The following POLR3B variants were observed in gnomAD, a reference collection of about 807,000 sequenced individuals.
The protein encoded by POLR3B is DNA-directed RNA polymerase III subunit RPC2.
A neutral mutation model predicts 147.4 loss-of-function variants in POLR3B; 96 were observed. That is an observed-to-expected ratio of 0.65 (90% CI 0.55 to 0.77). The LOEUF (loss-of-function observed/expected upper bound fraction) is 0.77. POLR3B is among the 30% of genes least tolerant of loss of function. The pLI is 0.00. For synonymous variants in POLR3B, 461 were observed against 485.9 expected (o/e 0.95, Z 0.67); for missense variants, 1,036 against 1,413.5 (o/e 0.73, Z 4.28).
At chr12:106,480,139 C>A (rs1313339883) in intron 23 of POLR3B, among the ~76,000 whole-genome samples, 1 of 151,496 alleles carries the variant, frequency 6.6e-6, no homozygotes, top group Non-Finnish European at 1.5e-5. Context: ...CTTGGGATTA[C>A]AGGTGTGAGA....
In POLR3B at chr12:106,499,733, A is replaced by G. The variant is rs542298242; in HGVS notation, c.2985-1590A>G. Among the ~76,000 whole-genome samples the G allele has an allele frequency of 1.1e-4, 17 of 152,322 alleles. 1 individual carries two copies. The South Asian group carries it at 3.5e-3, about 32-fold the overall frequency. ...AGAGAGGTCATGTAATTACTTTACT[A>G]TGTGACAAAACCAAGACAAGGACAG... is the stretch of plus-strand genomic sequence containing the variant. On this transcript the variant is annotated intron_variant, in intron 25 of 27. Transcript: ENST00000228347.
In POLR3B at chr12:106,501,358, T is replaced by A; in HGVS notation, c.3020T>A (p.Val1007Glu). The change falls in exon 26 of 28, where the codon GTG (valine) becomes GAG (glutamate). Residue 1007 changes from valine (V) to glutamate (E), a missense_variant. Physicochemically the swap from Val to Glu is moderately radical, Grantham distance 121 (BLOSUM62 -2). Transcript: ENST00000228347. ...GAAGCATACATCTATTTTGGCCCCG[T>A]GTACTATCAGAAGCTGAAACACATG... The part of the protein sequence containing the change: ...PLEAYIYFGP[V>E]YYQKLKHMVL... 1 of 1,613,714 alleles carries A rather than the reference T, an allele frequency of 6.2e-7. No homozygotes were observed. Among genetic ancestry groups the A allele is most frequent in the Non-Finnish European group, 8.5e-7 (1 of 1,179,594 alleles).
chr12:106,364,326 A>G (rs530107697), intron 2 of POLR3B, among the ~76,000 whole-genome samples: 38 of 152,314 alleles, frequency 2.5e-4, no homozygotes, highest in Non-Finnish European at 4.7e-4. Context: ...AGTCAAGAGG[A>G]GCTGCTGAAT....
chr12:106,369,444 G>T (rs928380357), intron 5 of POLR3B, 94 bp downstream of exon 5: 2 of 941,992 alleles, frequency 2.1e-6, no homozygotes, highest in Non-Finnish European at 1.8e-6. Flanking sequence ...AAAATGGGAT[G>T]GGGGGGGACA....
At chr12:106,380,973 A>G (rs1453805096) in intron 9 of POLR3B, among the ~76,000 whole-genome samples, 1 of 152,238 alleles carries the variant, frequency 6.6e-6, no homozygotes, top group Non-Finnish European at 1.5e-5. Context: ...TATGTATACT[A>G]TACTGTAGTC....
At chr12:106,393,574 C>T (rs2036943612) in intron 10 of POLR3B, among the ~76,000 whole-genome samples, 1 of 144,070 alleles carries the variant, frequency 6.9e-6, no homozygotes, top group South Asian at 2.4e-4. Flanking sequence ...TTATTCCCTA[C>T]TTCAGTTGCT....
At chr12:106,368,527 G>C (rs1454065152) in intron 4 of POLR3B, among the ~76,000 whole-genome samples, 1 of 151,624 alleles carries the variant, frequency 6.6e-6, no homozygotes, top group Admixed American at 6.6e-5. Flanking sequence ...CCCATTATCT[G>C]CAAAATTTAA....
intron 23 of POLR3B, among the ~76,000 whole-genome samples, chr12:106,488,567 T>C (rs2038372153): frequency 6.6e-6 from 1 of 152,230 alleles, no homozygotes; most frequent in African/African-American, 2.4e-5. Context: ...GGCATAATGA[T>C]GTTCCAAAGG....
In POLR3B at chr12:106,358,385, C is replaced by A. The variant is rs181187542; in HGVS notation, c.72+434C>A. On this transcript the variant is annotated intron_variant, in intron 1 of 27. Transcript: ENST00000228347. The stretch of plus-strand genomic sequence containing the variant: ...ATCGTCTGAATTCCAAGCTAGTCAT[C>A]TTTCCTTTTAACTTGAAGTTCCAGT... Among the ~76,000 whole-genome samples, 156 of 152,338 alleles carry A rather than the reference C, an allele frequency of 1.0e-3. 4 individuals are homozygous for A. In the East Asian group the frequency reaches 0.017, roughly 16 times the overall value.
intron 12 of POLR3B, among the ~76,000 whole-genome samples, chr12:106,418,298 TG>T (rs2037332496): frequency 6.6e-6 from 1 of 152,250 alleles, no homozygotes; most frequent in Non-Finnish European, 1.5e-5. Flanking sequence ...TTGCTTTGTA[TG>T]GGTGAGATAT....
At chr12:106,397,071 G>A (rs1198079662) in intron 10 of POLR3B, among the ~76,000 whole-genome samples, 1 of 151,004 alleles carries the variant, frequency 6.6e-6, no homozygotes, top group African/African-American at 2.4e-5. Flanking sequence ...GCTGCAGTGA[G>A]CTGACATCAC....
intron 10 of POLR3B, among the ~76,000 whole-genome samples, chr12:106,402,419 C>G (rs2037081609): frequency 6.6e-6 from 1 of 152,174 alleles, no homozygotes; most frequent in African/African-American, 2.4e-5. Context: ...CCATCCCCAT[C>G]AAGCTACCAG....
At chr12:106,360,880 G>C (rs1197320819) in intron 1 of POLR3B, among the ~76,000 whole-genome samples, 1 of 152,192 alleles carries the variant, frequency 6.6e-6, no homozygotes, top group Non-Finnish European at 1.5e-5. Context: ...ACATGCAATA[G>C]GTACTGTGAT....
intron 12 of POLR3B, among the ~76,000 whole-genome samples, chr12:106,418,712 A>G (rs2037337321): frequency 6.6e-6 from 1 of 152,170 alleles, no homozygotes; most frequent in East Asian, 1.9e-4. Context: ...CAAGGTATTG[A>G]ATATTATCAC....
intron 7 of POLR3B, among the ~76,000 whole-genome samples, 176 bp from the exon 8 acceptor site, chr12:106,378,091 A>C (rs1235784064): frequency 6.6e-6 from 1 of 152,174 alleles, no homozygotes; most frequent in Non-Finnish European, 1.5e-5. Flanking sequence ...CTTTCTCAAA[A>C]AATAAAATAA....
chr12:106,457,021 A>T (rs2037873486), intron 20 of POLR3B, 117 bp from the exon 21 acceptor site: 2 of 817,144 alleles, frequency 2.4e-6, no homozygotes, highest in Non-Finnish European at 4.3e-6. Flanking sequence ...AAATACAGAG[A>T]AGTTTTGGGA....
At chr12:106,493,843 A>G (rs566256835) in intron 23 of POLR3B, among the ~76,000 whole-genome samples, 1 of 152,340 alleles carries the variant, frequency 6.6e-6, no homozygotes, top group East Asian at 1.9e-4. Context: ...CACAAAACAA[A>G]CAACACAGGG....
chr12:106,381,784 C>T (rs1054410218), intron 9 of POLR3B, among the ~76,000 whole-genome samples: 7 of 152,126 alleles, frequency 4.6e-5, no homozygotes, highest in African/African-American at 1.4e-4. Context: ...AGTAAAGAAA[C>T]AAAAGAATGG....
At chr12:106,434,718 A>G (rs1477017258) in intron 16 of POLR3B, among the ~76,000 whole-genome samples, 4 of 152,152 alleles carry the variant, frequency 2.6e-5, no homozygotes, top group African/African-American at 9.7e-5. Flanking sequence ...AGCACAAGGC[A>G]GTGAGCCAGC....
Sources: allele counts gnomAD v4.1 joint callset (sites outside exome capture counted in the v4.1 genomes callset), GRCh38; gene constraint gnomAD v4.1.1; transcripts MANE v1.5; gene names NCBI Gene and HGNC (gene_info 2026-07-23, HGNC 2026-07-21).